PLB1: variants seen among roughly 807,000 people sequenced by gnomAD.
PLB1 encodes phospholipase B1, membrane-associated.
A neutral mutation model predicts 227.4 loss-of-function variants in PLB1; 242 were observed. The ratio of observed to expected loss-of-function variants is 1.06; its 90% CI spans 0.96 to 1.18. PLB1 has a LOEUF of 1.18. PLB1 is among the 50% of genes most tolerant of loss of function. The pLI is 0.00. For missense variants in PLB1, 1,858 were observed against 1,816.3 expected (o/e 1.02, Z -0.42); for synonymous variants, 757 against 682.2 (o/e 1.11, Z -1.71).
At position 28,643,208 on chromosome 2, in the gene PLB1, C is replaced by T. The variant is rs1690162416; in HGVS notation, c.*147C>T. On this transcript the variant is annotated 3_prime_UTR_variant, in exon 58 of 58. Transcript: ENST00000327757. ...CAGTCACAACTTCTTGGGGCCTGGG[C>T]TTCTTCCAGGCCTATGCTCCTGGAA... is the stretch of plus-strand genomic sequence containing the variant. The T allele has an allele frequency of 1.5e-6, 1 of 670,562 alleles. No homozygotes were observed. The highest frequency in any genetic ancestry group is 2.5e-6 in the Non-Finnish European group (1 of 404,392). 41.5% of individuals were successfully genotyped at this position (670,562 alleles called of 1,614,324 possible). A position where few individuals can be genotyped will look rare whatever the true frequency, so the allele number is the denominator to read the frequency against.
In PLB1 at chr2:28,529,405, T is replaced by G. The variant is rs144640748; in HGVS notation, c.414T>G (p.Ala138=). 6.3e-7 allele frequency: 1 copy of G among 1,594,006 alleles called. No homozygotes were observed. The highest frequency in any genetic ancestry group is 8.6e-7 in the Non-Finnish European group (1 of 1,161,716). ...TGKRVIPHDG[A]EDLWIQAQEL... ...AGAGAGTCATACCCCACGATGGTGC[T>G]GAGTAAGTTCCCTTTCTGTCTCTCT... Residue 138 remains alanine, a splice_region_variant and synonymous_variant, in exon 7 of 58, where the codon GCT becomes GCG. Transcript: ENST00000327757.
chr2:28,500,793 T>TTAA (rs756807586), intron 1 of PLB1, among the ~76,000 whole-genome samples: 4 of 152,226 alleles, frequency 2.6e-5, no homozygotes, highest in Non-Finnish European at 5.9e-5. Context: ...TGGACTCTTA[T>TTAA]TAATCTGTGT....
chr2:28,518,672 C>T, intron 3 of PLB1, 140 bp downstream of exon 3: 1 of 621,514 alleles, frequency 1.6e-6, no homozygotes, highest in Non-Finnish European at 2.9e-6. Flanking sequence ...CTCAGTGTGA[C>T]AGATGATTTC....
intron 33 of PLB1, among the ~76,000 whole-genome samples, chr2:28,597,291 A>G (rs34864342): frequency 0.12 from 18,288 of 150,270 alleles, 1,370 homozygotes; most frequent in African/African-American, 0.2. Flanking sequence ...AAATCCATTG[A>G]CCTGGAATAT....
chr2:28,529,649 C>T, intron 7 of PLB1, 79 bp from the exon 8 acceptor site: 2 of 1,414,468 alleles, frequency 1.4e-6, no homozygotes, highest in Non-Finnish European at 2.0e-6. Flanking sequence ...GACACCTGAG[C>T]TATGGCAAGG....
At chr2:28,633,167 C>T (rs907164641) in intron 56 of PLB1, 128 bp downstream of exon 56, 1 of 705,534 alleles carries the variant, frequency 1.4e-6, no homozygotes, top group East Asian at 2.7e-5. Flanking sequence ...GGCAGCACAC[C>T]TTATTGGTCC....
intron 43 of PLB1, among the ~76,000 whole-genome samples, chr2:28,607,617 G>T (rs1341696150): frequency 6.6e-6 from 1 of 152,138 alleles, no homozygotes; most frequent in Non-Finnish European, 1.5e-5. Flanking sequence ...CAACACAGAT[G>T]CCTCTAGTCC....
intron 18 of PLB1, among the ~76,000 whole-genome samples, chr2:28,564,194 A>G (rs1278915169): frequency 6.6e-6 from 1 of 152,362 alleles, no homozygotes; most frequent in African/African-American, 2.4e-5. Context: ...ATGAGCCACA[A>G]TGGTGCAACT....
intron 4 of PLB1, among the ~76,000 whole-genome samples, chr2:28,520,142 A>G (rs922927267): frequency 2.6e-5 from 4 of 151,686 alleles, no homozygotes; most frequent in Non-Finnish European, 2.9e-5. Flanking sequence ...TGGTCAGGCT[A>G]GTCTCGAACT....
At chr2:28,600,998 G>GAC in intron 36 of PLB1, 138 bp downstream of exon 36, 2 of 829,080 alleles carry the variant, frequency 2.4e-6, no homozygotes, top group Non-Finnish European at 3.9e-6. Context: ...ACAGCCCCCT[G>GAC]ACAGAGGTCC....
chr2:28,612,795 T>C (rs1173762334), intron 43 of PLB1, among the ~76,000 whole-genome samples: 2 of 148,956 alleles, frequency 1.3e-5, no homozygotes, highest in East Asian at 3.9e-4. Flanking sequence ...TTTTGTATTT[T>C]TAGTAGAGAC....
intron 45 of PLB1, 147 bp downstream of exon 45, chr2:28,617,934 C>A: frequency 1.3e-6 from 1 of 797,172 alleles, no homozygotes; most frequent in South Asian, 1.5e-5. Flanking sequence ...CCTGCCGCCA[C>A]AGCTGGGCTT....
intron 20 of PLB1, among the ~76,000 whole-genome samples, chr2:28,569,834 T>A (rs1677695029): frequency 6.6e-6 from 1 of 151,410 alleles, no homozygotes; most frequent in South Asian, 2.1e-4. Context: ...GGTGTGGTGG[T>A]GGGCGCCTGT....
At chr2:28,504,553 G>T (rs113290342) in intron 1 of PLB1, among the ~76,000 whole-genome samples, 3 of 152,198 alleles carry the variant, frequency 2.0e-5, no homozygotes, top group African/African-American at 7.2e-5. Context: ...GACCAGCCTG[G>T]CCAACATGGT....
At chr2:28,589,112 C>G (rs1393098643) in intron 26 of PLB1, among the ~76,000 whole-genome samples, 1 of 151,970 alleles carries the variant, frequency 6.6e-6, no homozygotes, top group East Asian at 1.9e-4. Context: ...TTGCAGTGAG[C>G]CAAGATCGCG....
chr2:28,585,403 G>A (rs1447996566), intron 25 of PLB1, among the ~76,000 whole-genome samples: 1 of 152,080 alleles, frequency 6.6e-6, no homozygotes, highest in African/African-American at 2.4e-5. Context: ...AGCCTCCCGA[G>A]TAGCTGGGAC....
At chr2:28,510,863 A>G (rs774744640) in intron 1 of PLB1, among the ~76,000 whole-genome samples, 1 of 151,442 alleles carries the variant, frequency 6.6e-6, no homozygotes, top group Non-Finnish European at 1.5e-5. Flanking sequence ...CCTGGGCTGG[A>G]GTAATCCTTC....
chr2:28,582,917 G>T (rs1310066720), intron 25 of PLB1, among the ~76,000 whole-genome samples: 1 of 152,166 alleles, frequency 6.6e-6, no homozygotes, highest in Non-Finnish European at 1.5e-5. Flanking sequence ...TAGGACAGGG[G>T]TGCCTCTGGT....
At chr2:28,604,541 C>T in intron 40 of PLB1, 114 bp from the exon 41 acceptor site, 2 of 707,612 alleles carry the variant, frequency 2.8e-6, no homozygotes, top group Non-Finnish European at 4.7e-6. Flanking sequence ...AAGGGAAAGG[C>T]TGAGTCGGCC....
Sources: allele counts gnomAD v4.1 joint callset (sites outside exome capture counted in the v4.1 genomes callset), GRCh38; gene constraint gnomAD v4.1.1; transcripts MANE v1.5; gene names NCBI Gene and HGNC (gene_info 2026-07-23, HGNC 2026-07-21).